TVP23A: variants seen among roughly 807,000 people sequenced by gnomAD.
The protein encoded by TVP23A is trans-golgi network vesicle protein 23 homolog A, also known as Golgi apparatus membrane protein TVP23 homolog A.
A neutral mutation model predicts 31.7 loss-of-function variants in TVP23A; 21 were observed. The observed-to-expected ratio is 0.66, with a 90% confidence interval of 0.47 to 0.95. The LOEUF (loss-of-function observed/expected upper bound fraction) is 0.95, where lower values mean the gene tolerates loss of function less well. Among genes scored for constraint, TVP23A ranks in the 40% least tolerant of loss-of-function variants. The probability of loss-of-function intolerance (pLI) is 0.00; values close to 1 mark genes in which losing one functional copy is unlikely to be tolerated. For missense variants in TVP23A, 279 were observed against 255.6 expected, an observed-to-expected ratio of 1.09 and a Z score of -0.62; for synonymous variants, 104 against 96.0, an observed-to-expected ratio of 1.08 and a Z score of -0.49.
chr16:10,757,743 G>C, downstream of TVP23A: 1 of 1,078,428 alleles, frequency 9.3e-7, no homozygotes, highest in Non-Finnish European at 1.3e-6. The surrounding 1 kb of genome is among the most constrained non-coding windows in gnomAD (Gnocchi z 4.1). Flanking sequence ...TGGGAGGATT[G>C]CTTGAGCCTC....
chr16:10,782,877 A>G (rs1596518618), intron 2 of TVP23A, among the ~76,000 whole-genome samples: 2 of 152,150 alleles, frequency 1.3e-5, no homozygotes, highest in South Asian at 4.1e-4. Context: ...ATACCCAGAG[A>G]GTGTGCCAAC....
intron 2 of TVP23A, among the ~76,000 whole-genome samples, chr16:10,794,669 T>C (rs2033288839): frequency 1.3e-5 from 2 of 151,758 alleles, no homozygotes; most frequent in Admixed American, 1.3e-4. Flanking sequence ...GTGCACAGGG[T>C]GAGGGCGCTT....
chr16:10,810,095 C>T (rs577030759), intron 2 of TVP23A, among the ~76,000 whole-genome samples: 1 of 152,110 alleles, frequency 6.6e-6, no homozygotes, highest in African/African-American at 2.4e-5. Context: ...CCGGGATGAA[C>T]CTGGAAAATA....
chr16:10,812,763 G>A (rs150374027), intron 2 of TVP23A, among the ~76,000 whole-genome samples: 192 of 152,186 alleles, frequency 1.3e-3, no homozygotes, highest in African/African-American at 4.5e-3. Context: ...GTTGTTAAAC[G>A]GCACAGAGTT....
intron 2 of TVP23A, among the ~76,000 whole-genome samples, chr16:10,816,829 G>A (rs147373029): frequency 0.014 from 2,138 of 151,144 alleles, 52 homozygotes; most frequent in African/African-American, 0.049. Context: ...CATATGTAAC[G>A]AACCTTCACG....
At chr16:10,813,961 T>C (rs192864257) in intron 2 of TVP23A, among the ~76,000 whole-genome samples, 1,579 of 123,600 alleles carry the variant, frequency 0.013, 15 homozygotes, top group Admixed American at 0.018. Flanking sequence ...ATCGCACCAC[T>C]GCACTCCAGC....
downstream of TVP23A, chr16:10,761,716 CA>C (rs753391157): frequency 2.0e-6 from 3 of 1,527,638 alleles, no homozygotes; most frequent in Admixed American, 1.8e-5. Context: ...TGTGATTCTG[CA>C]AAAAAATTAT....
downstream of TVP23A, chr16:10,761,907 A>G (rs776895327): frequency 2.9e-5 from 43 of 1,468,508 alleles, no homozygotes; most frequent in Non-Finnish European, 4.0e-5. Context: ...GGTCAGCCCC[A>G]CAGGCACGGG....
At chr16:10,799,574 T>A (rs759125965) in intron 2 of TVP23A, among the ~76,000 whole-genome samples, 1 of 152,230 alleles carries the variant, frequency 6.6e-6, no homozygotes, top group Non-Finnish European at 1.5e-5. Flanking sequence ...CCTCAGGTGA[T>A]CCTCTCATCT....
chr16:10,770,573 A>AC (rs2031512813), intron 6 of TVP23A, among the ~76,000 whole-genome samples: 1 of 151,010 alleles, frequency 6.6e-6, no homozygotes, highest in Non-Finnish European at 1.5e-5. Flanking sequence ...GTTAAAAAAA[A>AC]AAAACAAAAC....
At chr16:10,793,267 C>T (rs2033203782) in intron 2 of TVP23A, among the ~76,000 whole-genome samples, 1 of 152,180 alleles carries the variant, frequency 6.6e-6, no homozygotes, top group Non-Finnish European at 1.5e-5. Context: ...CACAGCAAGA[C>T]TCTGTCTCAA....
intron 2 of TVP23A, among the ~76,000 whole-genome samples, chr16:10,814,569 T>C (rs66972272): frequency 0.6 from 91,401 of 151,738 alleles, 27,824 homozygotes; most frequent in Middle Eastern, 0.67. Flanking sequence ...TCTGATCTCC[T>C]ATCCTACTTC....
chr16:10,813,116 C>A (rs2034277854), intron 2 of TVP23A, among the ~76,000 whole-genome samples: 1 of 152,178 alleles, frequency 6.6e-6, no homozygotes, highest in African/African-American at 2.4e-5. Context: ...AGAGCTCCAT[C>A]CCCAGGGCTT....
At position 10,768,980 on chromosome 16, in the gene TVP23A, C is replaced by T; in HGVS notation, c.*122G>A. The T allele has an allele frequency of 7.0e-7, 1 of 1,424,214 alleles. No individual in the cohort carries two copies. The highest frequency in any genetic ancestry group is 2.3e-5 in the East Asian group (1 of 43,972). 88.2% of individuals were successfully genotyped at this position (1,424,214 alleles called of 1,614,324 possible). A position where few individuals can be genotyped will look rare whatever the true frequency, so the allele number is the denominator to read the frequency against. ...CCTGTCAAAACACAGCCCTCCCCAG[C>T]ACAGGACAGGGCTGTCAAGGGGTAG... On this transcript the variant is annotated 3_prime_UTR_variant, in exon 8 of 8. Coordinates refer to ENST00000299866, the MANE Select transcript of TVP23A (RefSeq NM_001079512.4). The surrounding 1 kb of genome is among the most constrained non-coding windows in gnomAD (Gnocchi z 4.3).
At chr16:10,775,587 T>A in intron 2 of TVP23A, 1 of 974,098 alleles carries the variant, frequency 1.0e-6, no homozygotes, top group Non-Finnish European at 1.2e-6. Context: ...ATGGCAGGTC[T>A]AACTCATCAT....
At chr16:10,772,655 G>A (rs2031716077) in intron 5 of TVP23A, among the ~76,000 whole-genome samples, 1 of 152,024 alleles carries the variant, frequency 6.6e-6, no homozygotes, top group South Asian at 2.1e-4. Context: ...CAGATGTGAG[G>A]TACTGTGCCA....
chr16:10,803,268 T>TGTGTGTGTGTGTGTGTGTGTGTGTGC lies in TVP23A; in HGVS notation c.89+14834_89+14835insGCACACACACACACACACACACACAC, dbSNP rs1555485950. ...CACTGTGTGTGTGTGTGTGTGTGTGTGTGTGTGTGTGTGTGTGTCAGAGTC... is the reference window on the plus strand; with the variant it reads ...CACTGTGTGTGTGTGTGTGTGTGTGTGTGTGTGTGTGTGTGTGTGTGTGTGCGTGTGTGTGTGTGTGTGTCAGAGTC... On this transcript the variant is annotated intron_variant, in intron 2 of 7. Coordinates refer to ENST00000299866, the MANE Select transcript of TVP23A (RefSeq NM_001079512.4). 6.1e-3 allele frequency among the ~76,000 whole-genome samples: 925 copies of TGTGTGTGTGTGTGTGTGTGTGTGTGC among 151,396 alleles called. 18 individuals carry two copies. The East Asian group carries it at 0.072, about 12-fold the overall frequency.
downstream of TVP23A, chr16:10,761,896 C>G (rs746308132): frequency 8.3e-5 from 125 of 1,513,836 alleles, no homozygotes; most frequent in Middle Eastern, 1.7e-4. Context: ...CCTCACTCCT[C>G]GGTCAGCCCC....
At chr16:10,809,457 G>A (rs1337201926) in intron 2 of TVP23A, among the ~76,000 whole-genome samples, 2 of 152,236 alleles carry the variant, frequency 1.3e-5, no homozygotes, top group African/African-American at 4.8e-5. Flanking sequence ...CATAGAAAAG[G>A]TTGGTGGGAA....
Sources: allele counts gnomAD v4.1 joint callset (sites outside exome capture counted in the v4.1 genomes callset), GRCh38; gene constraint gnomAD v4.1.1; non-coding constraint Gnocchi (gnomAD v3.1); transcripts MANE v1.5; gene names NCBI Gene and HGNC (gene_info 2026-07-23, HGNC 2026-07-21).